The following MID1 variants were observed in gnomAD, a reference collection of about 807,000 sequenced individuals.
The protein encoded by MID1 is midline 1.
In MID1, 7 loss-of-function variants were observed where a neutral mutation model predicts 40.4. That is an observed-to-expected ratio of 0.17 (90% CI 0.10 to 0.33). The LOEUF (loss-of-function observed/expected upper bound fraction) is 0.33. MID1 is among the 10% of genes least tolerant of loss of function. MID1 has a pLI of 1.00. For missense variants in MID1, 367 were observed against 558.5 expected, an observed-to-expected ratio of 0.66 and a Z score of 3.46; for synonymous variants, 229 against 221.2, an observed-to-expected ratio of 1.04 and a Z score of -0.31.
In MID1 at chrX:10,561,220, C is replaced by T. The variant is rs1477056921; in HGVS notation, c.660+5668G>A. Among the ~76,000 whole-genome samples, 10 of 103,047 alleles carry T rather than the reference C, an allele frequency of 9.7e-5. No homozygotes were observed. In the East Asian group the frequency reaches 2.6e-3, roughly 27 times the overall value. The allele number at this position is 103,047 out of a possible 115,157, so 89.5% of individuals were successfully genotyped here. On this transcript the variant is annotated intron_variant, in intron 2 of 9. Coordinates refer to ENST00000317552, the MANE Select transcript of MID1 (RefSeq NM_000381.4). ...TACATCTTATACAAAAATTAACTCA[C>T]GATGGATTAAAGACTTAAATGTAAA...
chrX:10,703,162 G>A (rs146474204), intron 1 of MID1, among the ~76,000 whole-genome samples: 17 of 111,811 alleles, frequency 1.5e-4, no homozygotes, highest in African/African-American at 5.2e-4. Flanking sequence ...ACTACATTAC[G>A]GTTTCAGGAG....
At chrX:10,547,848 A>C (rs1933759302) in intron 2 of MID1, among the ~76,000 whole-genome samples, 1 of 111,098 alleles carries the variant, frequency 9.0e-6, no homozygotes, top group African/African-American at 3.3e-5. Context: ...CCCCAGAGTC[A>C]AGCTTATCTG....
chrX:10,571,117 A>G (rs1934710080), intron 1 of MID1, among the ~76,000 whole-genome samples: 1 of 112,423 alleles, frequency 8.9e-6, no homozygotes. Context: ...TAGCTGCTCA[A>G]AACTAGATAT....
At chrX:10,787,707 G>A (rs1308210892) in intron 1 of MID1, among the ~76,000 whole-genome samples, 2 of 102,892 alleles carry the variant, frequency 1.9e-5, no homozygotes, top group East Asian at 3.1e-4. Flanking sequence ...CACTGCACCC[G>A]GCCCAAAAAC....
intron 9 of MID1, among the ~76,000 whole-genome samples, chrX:10,451,967 C>T (rs1013473623): frequency 1.8e-5 from 2 of 112,024 alleles, no homozygotes; most frequent in African/African-American, 6.5e-5. Context: ...TCTCCCACCC[C>T]CCAAAAATGT....
chrX:10,599,886 G>C (rs186946455), intron 1 of MID1, among the ~76,000 whole-genome samples: 10 of 112,405 alleles, frequency 8.9e-5, no homozygotes, highest in Non-Finnish European at 1.3e-4. Flanking sequence ...TTGACAGTTA[G>C]AGTATTGTGT....
At chrX:10,826,899 C>T (rs1222299420) in intron 1 of MID1, among the ~76,000 whole-genome samples, 1 of 111,915 alleles carries the variant, frequency 8.9e-6, no homozygotes, top group Non-Finnish European at 1.9e-5. Flanking sequence ...TAAAGCTTCT[C>T]TTTCTTCTTT....
At chrX:10,523,301 G>T in intron 2 of MID1, 114 bp from the exon 3 acceptor site, 2 of 533,280 alleles carry the variant, frequency 3.8e-6, no homozygotes, top group Non-Finnish European at 3.1e-6. Context: ...AGAAACCTTA[G>T]TGAAATCGAC....
At chrX:10,493,923 T>G (rs773152522) in intron 4 of MID1, among the ~76,000 whole-genome samples, 4 of 112,422 alleles carry the variant, frequency 3.6e-5, no homozygotes, top group Admixed American at 1.9e-4. Flanking sequence ...AATAATTAAT[T>G]GTGACTGTAC....
chrX:10,832,293 C>G (rs1430254376), intron 1 of MID1, among the ~76,000 whole-genome samples: 1 of 112,597 alleles, frequency 8.9e-6, no homozygotes, highest in Non-Finnish European at 1.9e-5. Flanking sequence ...GTCCTTATGA[C>G]TAGGCAGTTG....
At chrX:10,791,667 G>C (rs984685919) in intron 1 of MID1, among the ~76,000 whole-genome samples, 1 of 111,342 alleles carries the variant, frequency 9.0e-6, no homozygotes, top group South Asian at 3.9e-4. Flanking sequence ...GACAATCACC[G>C]AAGCCTGTAG....
At chrX:10,759,747 C>T (rs1316591451) in intron 1 of MID1, among the ~76,000 whole-genome samples, 1 of 111,839 alleles carries the variant, frequency 8.9e-6, no homozygotes, top group Non-Finnish European at 1.9e-5. Context: ...TGCACAAGTT[C>T]CCATTCTCAA....
chrX:10,650,465 T>C (rs1224976613), intron 1 of MID1, among the ~76,000 whole-genome samples: 1 of 110,795 alleles, frequency 9.0e-6, no homozygotes, highest in African/African-American at 3.3e-5. Flanking sequence ...AAGAAAACAA[T>C]TACCTCTGGT....
intron 1 of MID1, among the ~76,000 whole-genome samples, chrX:10,581,127 T>G (rs1442021765): frequency 9.1e-6 from 1 of 110,084 alleles, no homozygotes; most frequent in Admixed American, 9.7e-5. Context: ...CGGGTGCCTG[T>G]AATCCCAGCT....
chrX:10,583,744 C>T (rs1333791500), intron 1 of MID1, among the ~76,000 whole-genome samples: 1 of 111,705 alleles, frequency 9.0e-6, no homozygotes, highest in Non-Finnish European at 1.9e-5. Flanking sequence ...TAAAGAACAG[C>T]GATTTAGGCC....
intron 1 of MID1, among the ~76,000 whole-genome samples, chrX:10,827,856 G>A (rs894231693): frequency 1.8e-5 from 2 of 111,168 alleles, no homozygotes; most frequent in East Asian, 5.7e-4. Context: ...CAGTTGAAAA[G>A]TTAAGGCTTC....
At chrX:10,464,972 G>T (rs1345634333) in intron 7 of MID1, among the ~76,000 whole-genome samples, 2 of 109,636 alleles carry the variant, frequency 1.8e-5, no homozygotes, top group Admixed American at 9.8e-5. Context: ...ATCACTTGAG[G>T]CCAGGAGTTG....
At chrX:10,817,044 G>T (rs2044139926) in intron 1 of MID1, among the ~76,000 whole-genome samples, 1 of 112,144 alleles carries the variant, frequency 8.9e-6, no homozygotes, top group African/African-American at 3.2e-5. Context: ...GCCCTTTGAT[G>T]TTGAACTTTT....
At chrX:10,603,576 A>C (rs1935571333) in intron 1 of MID1, among the ~76,000 whole-genome samples, 1 of 111,909 alleles carries the variant, frequency 8.9e-6, no homozygotes, top group Non-Finnish European at 1.9e-5. Flanking sequence ...GTCCAAATCA[A>C]GCACATCTGG....
Sources: allele counts gnomAD v4.1 joint callset (sites outside exome capture counted in the v4.1 genomes callset), GRCh38; gene constraint gnomAD v4.1.1; transcripts MANE v1.5; gene names NCBI Gene and HGNC (gene_info 2026-07-23, HGNC 2026-07-21).